The following ERMARD variants were observed in gnomAD, a reference collection of about 807,000 sequenced individuals.
The protein encoded by ERMARD is endoplasmic reticulum membrane-associated RNA degradation protein.
Under a neutral mutation model 83.9 loss-of-function variants are expected in ERMARD, and 71 were observed. The observed-to-expected ratio is 0.85, with a 90% CI of 0.70 to 1.03. The LOEUF is 1.03. Among genes scored for constraint, ERMARD ranks in the 50% least tolerant of loss-of-function variants. The pLI, the probability that ERMARD is intolerant of heterozygous loss-of-function variation, is 0.00. For synonymous variants in ERMARD, 284 were observed against 298.6 expected (o/e 0.95, Z 0.50); for missense variants, 838 against 810.9 (o/e 1.03, Z -0.41).
intron 16 of ERMARD, among the ~76,000 whole-genome samples, 157 bp from the exon 17 acceptor site, chr6:169,779,025 G>A (rs1486931719): frequency 6.6e-6 from 1 of 152,272 alleles, no homozygotes; most frequent in Non-Finnish European, 1.5e-5. Context: ...CACGGGCCTC[G>A]GGGCTGGAAG....
intron 16 of ERMARD, 76 bp downstream of exon 16, chr6:169,776,749 T>G: frequency 2.6e-6 from 4 of 1,525,226 alleles, no homozygotes; most frequent in Non-Finnish European, 3.6e-6. Context: ...TAGTCCTCAC[T>G]TCCAGACACA....
chr6:169,756,389 T>G lies in ERMARD; in HGVS notation c.367T>G (p.Ser123Ala). 6.2e-7 allele frequency: 1 copy of G among 1,612,142 alleles called. No homozygotes were observed. Among genetic ancestry groups the G allele is most frequent in the South Asian group, 1.1e-5 (1 of 90,534 alleles). The change falls in exon 4 of 18, where the codon TCT becomes GCT. Residue 123 changes from serine (S) to alanine (A), a missense_variant. By Grantham distance (99) the Ser-to-Ala change is moderately conservative. Transcript: ENST00000366773. ...ALESLQSPAI[S>A]LSLMKLTSCL... ...GGAAAGTCTACAATCTCCTGCTATT[T>G]CTCTTAGCTTAATGAAACTGACATC...
intron 11 of ERMARD, among the ~76,000 whole-genome samples, chr6:169,769,317 T>C (rs991304092): frequency 6.6e-6 from 1 of 152,140 alleles, no homozygotes; most frequent in African/African-American, 2.4e-5. Flanking sequence ...AGACTGGAAT[T>C]TGATGAGGCT....
chr6:169,752,214 G>A (rs1267364206), intron 1 of ERMARD, among the ~76,000 whole-genome samples: 1 of 152,204 alleles, frequency 6.6e-6, no homozygotes, highest in Non-Finnish European at 1.5e-5. Flanking sequence ...GCGAGACCCC[G>A]TCTCCAAAAT....
Position 169,755,336 on chromosome 6 carries a change from G to A in ERMARD, c.229G>A (p.Ala77Thr). The change falls in exon 3 of 18, where the codon GCT becomes ACT. Residue 77 changes from alanine (A) to threonine (T), a missense_variant. Coordinates refer to ENST00000366773, the MANE Select transcript of ERMARD (RefSeq NM_018341.3). ...SVRLLGPVCE[A>T]VHSHFLSLTK... is the part of the protein sequence containing the mutation. ...GAGGCTGCTGGGCCCTGTGTGTGAGGCTGTCCATTCACATTTCTTATCTCT... is the reference window on the plus strand; with the variant it reads ...GAGGCTGCTGGGCCCTGTGTGTGAGACTGTCCATTCACATTTCTTATCTCT... 6.2e-7 allele frequency: 1 copy of A among 1,614,160 alleles called. No individual in the cohort carries two copies. Among genetic ancestry groups the A allele is most frequent in the Non-Finnish European group, 8.5e-7 (1 of 1,180,036 alleles).
intron 5 of ERMARD, among the ~76,000 whole-genome samples, chr6:169,757,452 ACTTTAACC>A (rs1319861649): frequency 6.6e-6 from 1 of 152,180 alleles, no homozygotes; most frequent in Admixed American, 6.5e-5. Flanking sequence ...CCAGAATACA[ACTTTAACC>A]CTTTAAATGA....
chr6:169,757,420 A>G (rs1790956558), intron 5 of ERMARD, among the ~76,000 whole-genome samples: 2 of 152,220 alleles, frequency 1.3e-5, no homozygotes, highest in South Asian at 4.1e-4. Context: ...TCAATTACAT[A>G]TTAATAACTA....
intron 5 of ERMARD, 146 bp downstream of exon 5, chr6:169,756,954 G>T: frequency 1.4e-6 from 1 of 712,966 alleles, no homozygotes; most frequent in Admixed American, 2.9e-5. Context: ...ATGGCAGGAG[G>T]AGAAAGACAT....
rs1452124130 is a variant in ERMARD, at chr6:169,760,564, C to T, written c.743-78C>T. 3.8e-6 allele frequency: 4 copies of T among 1,041,668 alleles called. No individual in the cohort carries two copies. The African/African-American group carries it at 6.4e-5, about 17-fold the overall frequency. The allele number at this position is 1,041,668 out of a possible 1,614,324, so 64.5% of individuals were successfully genotyped here. ...CCACCTAAAGGGGTTGGCTCATTGG[C>T]ATCACTCCCCCAGCATGTTTCCATC... On this transcript the variant is annotated intron_variant, in intron 7 of 17. Coordinates refer to ENST00000366773, the MANE Select transcript of ERMARD (RefSeq NM_018341.3).
chr6:169,751,382 G>A (rs144832798), upstream of ERMARD: 4 of 1,614,012 alleles, frequency 2.5e-6, no homozygotes, highest in African/African-American at 5.3e-5. Context: ...TTTCCTAGGC[G>A]TCACCGGAGC....
intron 2 of ERMARD, 43 bp downstream of exon 2, chr6:169,754,075 T>C (rs929964008): frequency 8.4e-6 from 13 of 1,550,938 alleles, no homozygotes; most frequent in Middle Eastern, 1.7e-4. Flanking sequence ...AACTGTCCCA[T>C]TGAAAATGTC....
intron 10 of ERMARD, 62 bp from the exon 11 acceptor site, chr6:169,768,041 A>T (rs1792438412): frequency 5.8e-6 from 8 of 1,387,500 alleles, no homozygotes; most frequent in Non-Finnish European, 8.2e-6. Flanking sequence ...ATCAACTCTG[A>T]AAGTTCTGTA....
Position 169,753,920 on chromosome 6 carries a change from T to A in ERMARD, c.63T>A (p.Ile21=). The change falls in exon 2 of 18, where the codon ATT becomes ATA. Residue 21 remains isoleucine (I), a synonymous_variant. Transcript: ENST00000366773. ...TCLSPSVYDI[I]CNLGFQLREN... ...TTTCTCCCTCAGTGTATGATATAAT[T>A]TGTAATCTTGGGTTTCAACTCAGAG... 1 of 1,613,380 alleles carries A rather than the reference T, an allele frequency of 6.2e-7. No homozygotes were observed. The highest frequency in any genetic ancestry group is 8.5e-7 in the Non-Finnish European group (1 of 1,179,648).
chr6:169,762,617 T>C (rs564858247), intron 9 of ERMARD, 86 bp downstream of exon 9: 231 of 1,131,784 alleles, frequency 2.0e-4, no homozygotes, highest in Non-Finnish European at 2.7e-4. Flanking sequence ...AAAAATGTTA[T>C]TCTGTTTCAC....
At chr6:169,755,678 C>T (rs928371662) in intron 3 of ERMARD, 11 of 419,528 alleles carry the variant, frequency 2.6e-5, no homozygotes, top group Non-Finnish European at 4.7e-5. Flanking sequence ...ATTTGTCACA[C>T]GGTGCCCATC....
At chr6:169,751,869 T>G in intron 1 of ERMARD, 1 of 702,226 alleles carries the variant, frequency 1.4e-6, no homozygotes, top group Non-Finnish European at 2.1e-6. Flanking sequence ...TGGCGGGCCC[T>G]GCCGGCCTCC....
At chr6:169,775,238 A>G in intron 13 of ERMARD, 32 bp from the exon 14 acceptor site, 6 of 1,608,322 alleles carry the variant, frequency 3.7e-6, no homozygotes, top group Non-Finnish European at 5.1e-6. Flanking sequence ...TTACTGTGAA[A>G]TCTACAAAAG....
intron 9 of ERMARD, among the ~76,000 whole-genome samples, chr6:169,764,702 G>A (rs1791983085): frequency 6.6e-6 from 1 of 152,176 alleles, no homozygotes; most frequent in South Asian, 2.1e-4. Context: ...AAGGCCTCGG[G>A]TTCTAACCCT....
At chr6:169,761,165 A>G (rs1426110458) in intron 8 of ERMARD, among the ~76,000 whole-genome samples, 1 of 152,068 alleles carries the variant, frequency 6.6e-6, no homozygotes, top group East Asian at 1.9e-4. Flanking sequence ...ATATTACCCT[A>G]ATTCATTCAT....
Sources: allele counts gnomAD v4.1 joint callset (sites outside exome capture counted in the v4.1 genomes callset), GRCh38; gene constraint gnomAD v4.1.1; transcripts MANE v1.5; gene names NCBI Gene and HGNC (gene_info 2026-07-23, HGNC 2026-07-21).